FAF1: variants seen among roughly 807,000 people sequenced by gnomAD.
The protein encoded by FAF1 is FAS-associated factor 1.
In FAF1, 25 loss-of-function variants were observed where a neutral mutation model predicts 92.5. That is an observed-to-expected ratio of 0.27 (90% CI 0.20 to 0.38). FAF1 has a LOEUF of 0.38. Ranked by LOEUF, FAF1 falls within the 10% of genes least tolerant of loss-of-function variation. The pLI is 1.00. For synonymous variants in FAF1, 234 were observed against 273.2 expected (o/e 0.86, Z 1.42); for missense variants, 636 against 793.3 (o/e 0.80, Z 2.38).
intron 1 of FAF1, among the ~76,000 whole-genome samples, chr1:50,875,836 C>T (rs1289876401): frequency 6.6e-6 from 1 of 152,110 alleles, no homozygotes; most frequent in Non-Finnish European, 1.5e-5. Context: ...AATTTTGTAT[C>T]CTTTGACCAA....
chr1:50,915,941 C>T (rs1644915998), intron 1 of FAF1, among the ~76,000 whole-genome samples: 1 of 151,982 alleles, frequency 6.6e-6, no homozygotes, highest in Non-Finnish European at 1.5e-5. Flanking sequence ...CTGAAAATAA[C>T]TTCATACACT....
At chr1:50,901,808 T>C (rs1338446665) in intron 1 of FAF1, among the ~76,000 whole-genome samples, 1 of 152,058 alleles carries the variant, frequency 6.6e-6, no homozygotes, top group Non-Finnish European at 1.5e-5. Flanking sequence ...GAGGCTGCAG[T>C]GGGCCAAGAT....
chr1:50,948,714 T>C (rs1016881629), intron 1 of FAF1, among the ~76,000 whole-genome samples: 2 of 151,986 alleles, frequency 1.3e-5, no homozygotes, highest in Non-Finnish European at 2.9e-5. Context: ...TTAGTAGAGA[T>C]GGGGTTTCAC....
intron 15 of FAF1, among the ~76,000 whole-genome samples, chr1:50,512,867 G>A (rs1647155007): frequency 6.6e-6 from 1 of 152,178 alleles, no homozygotes; most frequent in Admixed American, 6.6e-5. Flanking sequence ...GTATTCATGA[G>A]CAAGGTTTCT....
chr1:50,470,845 C>CT (rs960402176), intron 18 of FAF1: 1 of 152,240 alleles, frequency 6.6e-6, no homozygotes, highest in Non-Finnish European at 1.5e-5. Flanking sequence ...TCTGACTTTG[C>CT]TATTCTGCTT....
chr1:50,782,290 T>C (rs1219112032), intron 4 of FAF1, among the ~76,000 whole-genome samples: 2 of 152,178 alleles, frequency 1.3e-5, no homozygotes, highest in Non-Finnish European at 2.9e-5. Flanking sequence ...TTACTGCCTC[T>C]GAAAACCTTC....
intron 1 of FAF1, among the ~76,000 whole-genome samples, chr1:50,875,070 C>G (rs891806795): frequency 6.6e-6 from 1 of 151,920 alleles, no homozygotes; most frequent in South Asian, 2.1e-4. Context: ...TATATTTTTA[C>G]ATTATATATG....
At chr1:50,801,226 C>A (rs1051343014) in intron 3 of FAF1, among the ~76,000 whole-genome samples, 2 of 151,958 alleles carry the variant, frequency 1.3e-5, no homozygotes, top group Admixed American at 1.3e-4. Flanking sequence ...GATTTAGAAC[C>A]CAAAAGGGAA....
chr1:50,833,145 C>T (rs1369006766), intron 2 of FAF1, among the ~76,000 whole-genome samples: 1 of 152,012 alleles, frequency 6.6e-6, no homozygotes, highest in African/African-American at 2.4e-5. Flanking sequence ...TGTCAGACTC[C>T]GTAGGTTTAA....
intron 18 of FAF1, among the ~76,000 whole-genome samples, chr1:50,445,733 C>T (rs1010375708): frequency 6.6e-6 from 1 of 152,188 alleles, no homozygotes; most frequent in African/African-American, 2.4e-5. Flanking sequence ...AAGGGTCATT[C>T]TCAGATAAGA....
chr1:50,767,784 C>T (rs1443694862), intron 4 of FAF1, among the ~76,000 whole-genome samples: 2 of 152,128 alleles, frequency 1.3e-5, no homozygotes, highest in African/African-American at 4.8e-5. Flanking sequence ...GCCTTATAGA[C>T]ACTCCTTAAG....
At chr1:50,822,644 G>A (rs1644053270) in intron 2 of FAF1, among the ~76,000 whole-genome samples, 2 of 152,106 alleles carry the variant, frequency 1.3e-5, no homozygotes, top group Admixed American at 1.3e-4. Context: ...ATGTGGAGAG[G>A]AAAGGAAGAT....
intron 6 of FAF1, among the ~76,000 whole-genome samples, chr1:50,721,498 C>T (rs1658410176): frequency 6.6e-6 from 1 of 152,134 alleles, no homozygotes; most frequent in African/African-American, 2.4e-5. Flanking sequence ...CAGGTGTGAG[C>T]CACCGTGCCC....
At chr1:50,862,414 C>T (rs1014155344) in intron 1 of FAF1, among the ~76,000 whole-genome samples, 6 of 151,630 alleles carry the variant, frequency 4.0e-5, no homozygotes, top group East Asian at 1.9e-4. Context: ...ATGATGGTAA[C>T]GAGCAACTGG....
chr1:50,641,229 A>T (rs1294491151), intron 8 of FAF1, among the ~76,000 whole-genome samples: 1 of 152,034 alleles, frequency 6.6e-6, no homozygotes, highest in African/African-American at 2.4e-5. Flanking sequence ...TATGTCATTT[A>T]ATCTACTTGG....
chr1:50,834,778 C>A (rs1015720242), intron 2 of FAF1, among the ~76,000 whole-genome samples: 6 of 152,152 alleles, frequency 3.9e-5, no homozygotes, highest in Admixed American at 1.3e-4. Flanking sequence ...TTACTGAACA[C>A]TGAAAATCTG....
At chr1:50,470,989 G>A (rs766178332) in intron 18 of FAF1, 12 of 152,290 alleles carry the variant, frequency 7.9e-5, no homozygotes, top group Non-Finnish European at 1.0e-4. Context: ...ATTTGTTTTG[G>A]ATGTGTGTTT....
intron 1 of FAF1, among the ~76,000 whole-genome samples, chr1:50,927,379 G>A (rs143959388): frequency 0.013 from 1,980 of 152,054 alleles, 43 homozygotes; most frequent in African/African-American, 0.044. Flanking sequence ...TCAGGAGTTC[G>A]AGACCAGCCT....
chr1:50,928,782 C>CAAAAAAAA (rs1157426126), intron 1 of FAF1, among the ~76,000 whole-genome samples: 3 of 39,700 alleles, frequency 7.6e-5, no homozygotes, highest in Non-Finnish European at 1.6e-4. Context: ...GACTCCACCT[C>CAAAAAAAA]AAAAAAAAAA....
Sources: gnomAD v4.1 joint callset for allele counts (sites outside exome capture counted in the v4.1 genomes callset) on GRCh38, gnomAD v4.1.1 for gene constraint, MANE v1.5 for transcripts, NCBI Gene and HGNC (gene_info 2026-07-23, HGNC 2026-07-21) for gene names.